The following SYNM variants were observed in gnomAD, a reference collection of about 807,000 sequenced individuals.
SYNM encodes synemin.
Under a neutral mutation model 104.0 loss-of-function variants are expected in SYNM, and 95 were observed. The ratio of observed to expected loss-of-function variants is 0.91; its 90% CI spans 0.77 to 1.08. The LOEUF is 1.08. SYNM is among the 50% of genes least tolerant of loss of function. SYNM has a pLI of 0.00. For missense variants in SYNM, 2,150 were observed against 2,052.2 expected, an observed-to-expected ratio of 1.05 and a Z score of -0.92; for synonymous variants, 918 against 869.0, an observed-to-expected ratio of 1.06 and a Z score of -0.99.
chr15:99,139,200 G>T, downstream of SYNM: 1 of 1,316,978 alleles, frequency 7.6e-7, no homozygotes, highest in East Asian at 2.5e-5. Context: ...GCAAGTTATG[G>T]GAAGTCAGCA....
At position 99,105,890 on chromosome 15, in the gene SYNM, G is replaced by A. The variant is rs782538223; in HGVS notation, c.691G>A (p.Ala231Thr). The change falls in exon 1 of 4, where the codon GCG becomes ACG. Residue 231 changes from alanine to threonine, a missense_variant. By Grantham distance (58) the Ala-to-Thr change is moderately conservative. Transcript: ENST00000336292. ...GGCGGAGGAAGAGACGCGGCTGTGC[G>A]CGCAGGAGGCAGAGGCGCTGCGGCG... is the stretch of plus-strand genomic sequence containing the variant. ...LQAEEETRLCAQEAEALRREA... is the reference protein window; with the variant it reads ...LQAEEETRLCTQEAEALRREA... The A allele has an allele frequency of 2.0e-6, 3 of 1,537,844 alleles. No individual in the cohort carries two copies. The highest frequency in any genetic ancestry group is 2.6e-6 in the Non-Finnish European group (3 of 1,145,620).
chr15:99,125,391 G>A (rs1255181129), intron 2 of SYNM, among the ~76,000 whole-genome samples: 1 of 152,264 alleles, frequency 6.6e-6, no homozygotes, highest in Admixed American at 6.5e-5. Context: ...TAATGGGTTG[G>A]TGTCCTGTTT....
intron 2 of SYNM, among the ~76,000 whole-genome samples, chr15:99,126,173 A>G (rs1427410377): frequency 1.3e-5 from 2 of 152,082 alleles, no homozygotes; most frequent in African/African-American, 4.8e-5. Flanking sequence ...TGTCGTCTCC[A>G]AGGTGACCCC....
chr15:99,126,605 G>A, intron 2 of SYNM, 117 bp from the exon 3 acceptor site: 1 of 1,009,416 alleles, frequency 9.9e-7, no homozygotes, highest in Non-Finnish European at 1.5e-6. Flanking sequence ...TCTTCAGGTA[G>A]AAGTCCTAAA....
rs1555485695 is a variant in SYNM at position 99,130,874 on chromosome 15, C to T, written c.2514C>T (p.His838=). 2.5e-6 allele frequency: 4 copies of T among 1,613,922 alleles called. No individual in the cohort carries two copies. In the East Asian group the frequency reaches 6.7e-5, roughly 27 times the overall value. Residue 838 remains histidine, a synonymous_variant, in exon 4 of 4, where the codon CAC becomes CAT. Coordinates refer to ENST00000336292, the MANE Select transcript of SYNM (RefSeq NM_145728.3). ...QSYFVSTPDE[H]PGGHDRDDGS... ...ATTTTGTGTCCACTCCAGATGAACACCCCGGGGGGCACGACAGAGATGACG... is the reference window on the plus strand; with the variant it reads ...ATTTTGTGTCCACTCCAGATGAACATCCCGGGGGGCACGACAGAGATGACG...
chr15:99,129,548 AGGCTTCTTG>A lies in SYNM; in HGVS notation c.1193_1201del (p.Phe398_Gly400del). The A allele has an allele frequency of 6.2e-7, 1 of 1,613,990 alleles. No individual in the cohort carries two copies. Among genetic ancestry groups the A allele is most frequent in the South Asian group, 1.1e-5 (1 of 91,078 alleles). On this transcript the variant is annotated inframe_deletion, in exon 4 of 4. Coordinates refer to ENST00000336292, the MANE Select transcript of SYNM (RefSeq NM_145728.3). ...CATCTATTGGAGGTGATGCCAGAAG[AGGCTTCTTG>A]GGCTCGGGATATTCTTCCTCGGCCA...
chr15:99,105,717 C>T lies in SYNM; in HGVS notation c.518C>T (p.Pro173Leu). 6.7e-7 allele frequency: 1 copy of T among 1,497,710 alleles called. No individual in the cohort carries two copies. 92.8% of individuals were successfully genotyped at this position (1,497,710 alleles called of 1,614,324 possible). The change falls in exon 1 of 4, where the codon CCC becomes CTC. Residue 173 changes from proline (P) to leucine (L), a missense_variant. Coordinates refer to ENST00000336292, the MANE Select transcript of SYNM (RefSeq NM_145728.3). ...TMHFRARATG[P>L]AAPPPRLREV... ...CATTTCCGCGCCCGCGCCACCGGCC[C>T]CGCCGCGCCGCCGCCACGCCTGCGG...
intron 2 of SYNM, among the ~76,000 whole-genome samples, chr15:99,114,123 A>G (rs1176684734): frequency 1.3e-5 from 2 of 152,208 alleles, no homozygotes; most frequent in Admixed American, 1.3e-4. Context: ...ACACCGCTAT[A>G]AAGATCCTAC....
At chr15:99,139,443 C>T, downstream of SYNM, 1 of 1,613,218 alleles carries the variant, frequency 6.2e-7, no homozygotes, top group Non-Finnish European at 8.5e-7. Flanking sequence ...GGAAGTGTCG[C>T]TGAGAGCAGG....
intron 2 of SYNM, among the ~76,000 whole-genome samples, chr15:99,123,738 G>A (rs568186987): frequency 2.0e-5 from 3 of 152,232 alleles, no homozygotes; most frequent in South Asian, 2.1e-4. Context: ...CCCCGGCCCC[G>A]GCCCCAGCAG....
intron 1 of SYNM, among the ~76,000 whole-genome samples, chr15:99,108,694 G>A (rs1039214822): frequency 3.3e-5 from 5 of 152,180 alleles, no homozygotes; most frequent in Non-Finnish European, 5.9e-5. Flanking sequence ...ATTTTACAGA[G>A]GAGGAAGCTG....
chr15:99,120,347 G>A (rs1352550449), intron 2 of SYNM, among the ~76,000 whole-genome samples: 2 of 152,184 alleles, frequency 1.3e-5, no homozygotes, highest in African/African-American at 4.8e-5. Context: ...AAGAGGCAAT[G>A]CTTGATTCTT....
intron 1 of SYNM, among the ~76,000 whole-genome samples, chr15:99,109,126 T>A (rs1233202516): frequency 1.3e-5 from 2 of 152,138 alleles, no homozygotes; most frequent in African/African-American, 4.8e-5. Flanking sequence ...TTGCTAGGAT[T>A]CTACTTGAGG....
chr15:99,114,706 A>G (rs1158573977), intron 2 of SYNM, among the ~76,000 whole-genome samples: 1 of 152,056 alleles, frequency 6.6e-6, no homozygotes, highest in Non-Finnish European at 1.5e-5. Context: ...GGTGGGGCAG[A>G]GAATGCAGTC....
At chr15:99,109,811 C>T (rs890498846) in intron 1 of SYNM, among the ~76,000 whole-genome samples, 4 of 152,092 alleles carry the variant, frequency 2.6e-5, no homozygotes, top group Admixed American at 6.6e-5. Flanking sequence ...TGTGGTTTTT[C>T]GGGGATGCCT....
intron 2 of SYNM, among the ~76,000 whole-genome samples, chr15:99,125,176 C>T (rs2067435403): frequency 6.6e-6 from 1 of 152,208 alleles, no homozygotes; most frequent in Admixed American, 6.5e-5. Flanking sequence ...TGAACTAGAA[C>T]CTAGTCTTTC....
the SYNM span, chr15:99,141,077 C>T: frequency 6.6e-6 from 1 of 152,096 alleles, no homozygotes; most frequent in African/African-American, 2.4e-5. Flanking sequence ...CAAAAACTAC[C>T]AAGTTTTGTT....
downstream of SYNM, chr15:99,139,619 T>C: frequency 1.3e-6 from 2 of 1,516,100 alleles, no homozygotes; most frequent in Non-Finnish European, 1.8e-6. Context: ...CACAAAACTC[T>C]CTGTGACTAT....
In SYNM at chr15:99,119,148, A is replaced by T. The variant is rs141240414; in HGVS notation, c.935+5433A>T. 2.4e-4 allele frequency among the ~76,000 whole-genome samples: 37 copies of T among 152,266 alleles called. 1 individual carries two copies. The highest frequency in any genetic ancestry group is 8.7e-4 in the African/African-American group (36 of 41,556). ...ATGCTCGGGGACAGGGAGGGACTGC[A>T]CCTGCGAATCTCCCGGCCCTCAAGA... On this transcript the variant is annotated intron_variant, in intron 2 of 3. Coordinates refer to ENST00000336292, the MANE Select transcript of SYNM (RefSeq NM_145728.3).
Sources: gnomAD v4.1 joint callset for allele counts (sites outside exome capture counted in the v4.1 genomes callset) on GRCh38, gnomAD v4.1.1 for gene constraint, MANE v1.5 for transcripts, NCBI Gene and HGNC (gene_info 2026-07-23, HGNC 2026-07-21) for gene names.